Variants in LNX1 observed in about 807,000 individuals in gnomAD.
LNX1 encodes E3 ubiquitin-protein ligase LNX.
In LNX1, 54 loss-of-function variants were observed where a neutral mutation model predicts 68.4. The ratio of observed to expected loss-of-function variants is 0.79; its 90% CI spans 0.63 to 0.99. LNX1 has a LOEUF of 0.99. Ranked by LOEUF, LNX1 falls within the 50% of genes least tolerant of loss-of-function variation. LNX1 has a pLI of 0.00. For missense variants in LNX1, 906 were observed against 926.4 expected (o/e 0.98, Z 0.29); for synonymous variants, 336 against 350.0 (o/e 0.96, Z 0.45).
intron 6 of LNX1, among the ~76,000 whole-genome samples, chr4:53,493,885 G>A (rs1354009764): frequency 1.3e-5 from 2 of 152,196 alleles, no homozygotes; most frequent in Non-Finnish European, 2.9e-5. Context: ...AGAAGATCAT[G>A]CCATTTCCTT....
chr4:53,628,148 G>T (rs1394698852), intron 1 of LNX1, among the ~76,000 whole-genome samples: 3 of 152,108 alleles, frequency 2.0e-5, no homozygotes, highest in African/African-American at 4.8e-5. Flanking sequence ...GCAGACATTT[G>T]GTTGGAAGGG....
chr4:53,604,466 C>G (rs1733147262), intron 2 of LNX1, among the ~76,000 whole-genome samples: 1 of 152,118 alleles, frequency 6.6e-6, no homozygotes, highest in Admixed American at 6.5e-5. Flanking sequence ...GAGCCTATGC[C>G]AATGTGGGAT....
intron 2 of LNX1, among the ~76,000 whole-genome samples, chr4:53,530,378 G>A (rs980167879): frequency 4.6e-5 from 7 of 152,098 alleles, no homozygotes; most frequent in African/African-American, 1.7e-4. Context: ...TTGAAGAAAT[G>A]TATATGGGAA....
intron 1 of LNX1, among the ~76,000 whole-genome samples, chr4:53,622,755 ACACT>A (rs1274325939): frequency 6.6e-6 from 1 of 152,216 alleles, no homozygotes; most frequent in Non-Finnish European, 1.5e-5. Flanking sequence ...TATTGGGAAA[ACACT>A]CACTGCTGGA....
intron 2 of LNX1, chr4:53,558,414 T>A (rs1390779151): frequency 5.9e-6 from 2 of 340,092 alleles, no homozygotes; most frequent in Non-Finnish European, 8.3e-6. Context: ...AAAGCTGCCC[T>A]CCAGTTTGCT....
At chr4:53,577,837 G>A (rs1295611724) in intron 1 of LNX1, among the ~76,000 whole-genome samples, 2 of 152,184 alleles carry the variant, frequency 1.3e-5, no homozygotes, top group Admixed American at 6.5e-5. Flanking sequence ...CAGAAATAGA[G>A]TTCTATGATT....
rs575923851 is a variant in LNX1, at chr4:53,461,560, T to A, written c.1926A>T (p.Arg642=). 1 of 1,612,124 alleles carries A rather than the reference T, an allele frequency of 6.2e-7. No individual in the cohort carries two copies. Among genetic ancestry groups the A allele is most frequent in the African/African-American group, 1.3e-5 (1 of 74,990 alleles). Residue 642 remains arginine (R), a synonymous_variant, in exon 10 of 11, where the codon CGA becomes CGT. Coordinates refer to ENST00000263925, the MANE Select transcript of LNX1 (RefSeq NM_001126328.3). ...AGCCCAGACTTCCAGCTGTGTTTCT[T>A]CGTAATACAATATCTTTACAGTTAT... The part of the protein sequence containing the change: ...CLYNCKDIVL[R]RNTAGSLGFC...
chr4:53,507,524 T>C, intron 3 of LNX1, 55 bp from the exon 4 acceptor site: 1 of 1,548,980 alleles, frequency 6.5e-7, no homozygotes, highest in Non-Finnish European at 8.9e-7. Flanking sequence ...AATAATCATT[T>C]ATGTACATAT....
intron 1 of LNX1, among the ~76,000 whole-genome samples, chr4:53,624,570 T>A (rs904026465): frequency 6.6e-6 from 1 of 152,174 alleles, no homozygotes; most frequent in African/African-American, 2.4e-5. Flanking sequence ...GAAAATGGAC[T>A]AATACATCTC....
chr4:53,495,557 T>TTTTTTTTTTTTTTTTTTTTTTTTG, intron 6 of LNX1, among the ~76,000 whole-genome samples: 1 of 150,556 alleles, frequency 6.6e-6, no homozygotes, highest in Non-Finnish European at 1.5e-5. Flanking sequence ...GCTTTTTTTT[T>TTTTTTTTTTTTTTTTTTTTTTTTG]TTTTAAGATG....
intron 2 of LNX1, among the ~76,000 whole-genome samples, chr4:53,562,328 C>T (rs1730350222): frequency 1.3e-5 from 2 of 152,192 alleles, no homozygotes; most frequent in African/African-American, 4.8e-5. Context: ...TCCATCACCA[C>T]CCTGGGAATT....
chr4:53,577,602 A>G (rs532881128), intron 1 of LNX1, among the ~76,000 whole-genome samples: 1 of 152,216 alleles, frequency 6.6e-6, no homozygotes, highest in Non-Finnish European at 1.5e-5. Flanking sequence ...TTTTTTAAAG[A>G]TGGGGTCATG....
chr4:53,528,430 C>T (rs1202517291), intron 2 of LNX1, among the ~76,000 whole-genome samples: 1 of 152,150 alleles, frequency 6.6e-6, no homozygotes, highest in East Asian at 1.9e-4. Context: ...ATTTTATCAC[C>T]TCATATTATC....
intron 1 of LNX1, among the ~76,000 whole-genome samples, chr4:53,586,890 G>GT (rs776111028): frequency 2.6e-5 from 4 of 152,298 alleles, no homozygotes; most frequent in South Asian, 4.1e-4. Flanking sequence ...TATTCAACAT[G>GT]TTTTTTCATT....
At chr4:53,490,685 T>C (rs1392573255) in intron 6 of LNX1, among the ~76,000 whole-genome samples, 1 of 152,224 alleles carries the variant, frequency 6.6e-6, no homozygotes, top group Non-Finnish European at 1.5e-5. Context: ...GGAATTTCTT[T>C]GTAAGGCAAA....
chr4:53,614,471 C>A (rs1577796602), intron 2 of LNX1, among the ~76,000 whole-genome samples: 1 of 152,318 alleles, frequency 6.6e-6, no homozygotes, highest in Admixed American at 6.5e-5. Context: ...CCCACACTAA[C>A]CTTTCTAGGC....
Position 53,496,056 on chromosome 4 carries a change from A to G in LNX1, c.1317T>C (p.Tyr439=), listed in dbSNP as rs1725031413. ...VLAINGHDLR[Y]GSPESAAHLI... is the part of the protein sequence containing the mutation. Reference sequence around the variant, plus strand: ...GATGAGCCGCACTTTCTGGGCTGCCATATCGAAGATCATGTCCATTGATGG... The same window carrying G: ...GATGAGCCGCACTTTCTGGGCTGCCGTATCGAAGATCATGTCCATTGATGG... The change falls in exon 6 of 11, where the codon TAT becomes TAC. Residue 439 remains tyrosine (Y), a synonymous_variant. Transcript: ENST00000263925. 6.2e-7 allele frequency: 1 copy of G among 1,614,036 alleles called. No homozygotes were observed. The highest frequency in any genetic ancestry group is 8.5e-7 in the Non-Finnish European group (1 of 1,179,890).
In LNX1 at chr4:53,575,787, G is replaced by A; in HGVS notation, c.-86-1699C>T. 1.9e-6 allele frequency: 3 copies of A among 1,572,768 alleles called. No individual in the cohort carries two copies. The South Asian group carries it at 3.6e-5, about 19-fold the overall frequency. Reference sequence around the variant, plus strand: ...GTCACAGTGGCCGAGTGAGTTTCTTGGGGGCCCAGCTTCCTCCAGAGGTGG... The same window carrying A: ...GTCACAGTGGCCGAGTGAGTTTCTTAGGGGCCCAGCTTCCTCCAGAGGTGG... On this transcript the variant is annotated intron_variant, in intron 1 of 10. Coordinates refer to ENST00000263925, the MANE Select transcript of LNX1 (RefSeq NM_001126328.3).
chr4:53,461,805 C>T (rs1242960079), intron 9 of LNX1, among the ~76,000 whole-genome samples: 1 of 152,012 alleles, frequency 6.6e-6, no homozygotes, highest in African/African-American at 2.4e-5. Flanking sequence ...TTTTGAATAT[C>T]CTTAAAAAAC....
Sources: allele counts gnomAD v4.1 joint callset (sites outside exome capture counted in the v4.1 genomes callset), GRCh38; gene constraint gnomAD v4.1.1; transcripts MANE v1.5; gene names NCBI Gene and HGNC (gene_info 2026-07-23, HGNC 2026-07-21).